Variants in PTPRG observed in about 807,000 individuals in gnomAD.
PTPRG encodes receptor-type tyrosine-protein phosphatase gamma.
A neutral mutation model predicts 165.3 loss-of-function variants in PTPRG; 102 were observed. The ratio of observed to expected loss-of-function variants is 0.62; its 90% CI spans 0.53 to 0.73. The LOEUF is 0.73. PTPRG is among the 30% of genes least tolerant of loss of function. The probability of loss-of-function intolerance (pLI) is 0.00; values close to 1 mark genes in which losing one functional copy is unlikely to be tolerated. For missense variants in PTPRG, 1,866 were observed against 1,861.4 expected, an observed-to-expected ratio of 1.00 and a Z score of -0.05; for synonymous variants, 675 against 669.5, an observed-to-expected ratio of 1.01 and a Z score of -0.13.
chr3:62,282,756 T>C lies in PTPRG; in HGVS notation c.3942T>C (p.Phe1314=), dbSNP rs759984644. ...QDDYVLEVRH[F]QCPKWPNPDA... ...ACTATGTCTTAGAAGTTCGGCACTTTCAGTGTCCCAAATGGCCTAACCCAG... is the reference window on the plus strand; with the variant it reads ...ACTATGTCTTAGAAGTTCGGCACTTCCAGTGTCCCAAATGGCCTAACCCAG... Residue 1314 remains phenylalanine (F), a synonymous_variant, in exon 28 of 30, where the codon TTT becomes TTC. Coordinates refer to ENST00000474889, the MANE Select transcript of PTPRG (RefSeq NM_002841.4). 3.1e-6 allele frequency: 5 copies of C among 1,612,082 alleles called. No homozygotes were observed. In the African/African-American group the frequency reaches 5.4e-5, roughly 17 times the overall value.
intron 2 of PTPRG, among the ~76,000 whole-genome samples, chr3:61,910,548 G>T (rs1463054504): frequency 1.3e-5 from 2 of 152,050 alleles, no homozygotes; most frequent in African/African-American, 4.8e-5. Context: ...GTTCCAATTT[G>T]TTCCTGTTCC....
intron 20 of PTPRG, among the ~76,000 whole-genome samples, chr3:62,269,850 C>T (rs906940496): frequency 1.3e-5 from 2 of 151,988 alleles, no homozygotes; most frequent in Admixed American, 6.6e-5. Flanking sequence ...TTCAAGACCC[C>T]CGGTGGATGC....
chr3:61,960,610 G>C (rs1043999321), intron 2 of PTPRG, among the ~76,000 whole-genome samples: 2 of 152,112 alleles, frequency 1.3e-5, no homozygotes, highest in Admixed American at 1.3e-4. Flanking sequence ...TAGAGTCATT[G>C]TTTTTCCTTC....
At chr3:62,025,483 A>G (rs2107769766) in intron 4 of PTPRG, among the ~76,000 whole-genome samples, 1 of 152,256 alleles carries the variant, frequency 6.6e-6, no homozygotes, top group East Asian at 1.9e-4. Context: ...CTTATTTTAC[A>G]GTAACCAAAT....
rs1701512219 is a variant in PTPRG at position 62,255,252 on chromosome 3, T to G, written c.2559+37T>G. 6.6e-7 allele frequency: 1 copy of G among 1,518,334 alleles called. No individual in the cohort carries two copies. The highest frequency in any genetic ancestry group is 9.1e-7 in the Non-Finnish European group (1 of 1,101,192). 94.1% of individuals were successfully genotyped at this position (1,518,334 alleles called of 1,614,324 possible). A position where few individuals can be genotyped will look rare whatever the true frequency, so the allele number is the denominator to read the frequency against. On this transcript the variant is annotated intron_variant, in intron 16 of 29. Coordinates refer to ENST00000474889, the MANE Select transcript of PTPRG (RefSeq NM_002841.4). The surrounding 1 kb of genome is among the most constrained non-coding windows in gnomAD (Gnocchi z 4.0). The stretch of plus-strand genomic sequence containing the variant: ...GGCTGGAAGTTAACTTCCAGAAACC[T>G]AAGTCTTACTTTATGCAGATTTTTG...
rs557044204 is a variant in PTPRG at position 61,683,298 on chromosome 3, G to A, written c.86-65580G>A. ...GGTAAGGCCAGCAGAGCCGAATGGC[G>A]TCAGTCACTCAGGACAGTTTTCTGA... On this transcript the variant is annotated intron_variant, in intron 1 of 29. Coordinates refer to ENST00000474889, the MANE Select transcript of PTPRG (RefSeq NM_002841.4). Among the ~76,000 whole-genome samples the A allele has an allele frequency of 3.3e-5, 5 of 152,352 alleles. No individual in the cohort carries two copies. In the East Asian group the frequency reaches 9.6e-4, roughly 29 times the overall value.
chr3:61,974,622 G>A (rs1439990903), intron 2 of PTPRG, among the ~76,000 whole-genome samples: 1 of 152,082 alleles, frequency 6.6e-6, no homozygotes, highest in Non-Finnish European at 1.5e-5. Flanking sequence ...ACTGTCTTTA[G>A]GCAACAAAAG....
chr3:61,895,298 G>T (rs2038323913), intron 2 of PTPRG, among the ~76,000 whole-genome samples: 1 of 152,154 alleles, frequency 6.6e-6, no homozygotes, highest in Non-Finnish European at 1.5e-5. Context: ...GTACTTTTAG[G>T]GGAAGTAGCC....
chr3:61,909,719 A>G (rs148368219), intron 2 of PTPRG, among the ~76,000 whole-genome samples: 1 of 151,042 alleles, frequency 6.6e-6, no homozygotes, highest in Non-Finnish European at 1.5e-5. Context: ...AGGACTATAC[A>G]GTTTAAACCT....
rs1042815576 is a variant in PTPRG at position 62,234,965 on chromosome 3, TA to T, written c.2375+3662del. 2.5e-3 allele frequency among the ~76,000 whole-genome samples: 371 copies of T among 151,406 alleles called. 1 individual carries two copies. The highest frequency in any genetic ancestry group is 8.5e-3 in the African/African-American group (349 of 41,110). On this transcript the variant is annotated intron_variant, in intron 14 of 29. Transcript: ENST00000474889. Reference sequence around the variant, plus strand: ...CCCCCCGAGATGGTCTCAAGTATTTTAAAAAAAATACTGTAATCTGGGGCTT... The same window carrying T: ...CCCCCCGAGATGGTCTCAAGTATTTTAAAAAAATACTGTAATCTGGGGCTT...
At chr3:61,801,161 A>G (rs1018166324) in intron 2 of PTPRG, among the ~76,000 whole-genome samples, 1 of 152,072 alleles carries the variant, frequency 6.6e-6, no homozygotes, top group African/African-American at 2.4e-5. Context: ...TGAGGTGGGA[A>G]ATGGCTTCTG....
At chr3:62,153,641 A>G (rs1484553721) in intron 6 of PTPRG, among the ~76,000 whole-genome samples, 1 of 152,252 alleles carries the variant, frequency 6.6e-6, no homozygotes, top group African/African-American at 2.4e-5. Context: ...TAATAGTAAA[A>G]GTAACAACAA....
At chr3:61,571,302 C>T (rs1281795426) in intron 1 of PTPRG, among the ~76,000 whole-genome samples, 3 of 152,262 alleles carry the variant, frequency 2.0e-5, no homozygotes, top group East Asian at 3.9e-4. Flanking sequence ...TTTCTCTAAT[C>T]ATTGCTCAGG....
At chr3:61,613,028 A>G (rs1388414101) in intron 1 of PTPRG, among the ~76,000 whole-genome samples, 2 of 152,124 alleles carry the variant, frequency 1.3e-5, no homozygotes, top group African/African-American at 4.8e-5. Context: ...CCATAAAGCC[A>G]CCAATAGCGC....
intron 1 of PTPRG, among the ~76,000 whole-genome samples, chr3:61,611,788 A>G (rs1208702785): frequency 1.3e-5 from 2 of 152,256 alleles, no homozygotes; most frequent in Non-Finnish European, 2.9e-5. Context: ...AACTTTATTT[A>G]TAGACTCTGA....
chr3:61,872,571 C>G (rs901628103), intron 2 of PTPRG, among the ~76,000 whole-genome samples: 2 of 152,088 alleles, frequency 1.3e-5, no homozygotes, highest in African/African-American at 4.8e-5. Flanking sequence ...GCTTGTGTTG[C>G]CTGACCCTGA....
chr3:61,955,545 C>G (rs1279059572), intron 2 of PTPRG, among the ~76,000 whole-genome samples: 1 of 152,124 alleles, frequency 6.6e-6, no homozygotes, highest in African/African-American at 2.4e-5. Context: ...TGGCTTAAAT[C>G]TATTTATATG....
chr3:61,825,700 A>G (rs1247768831), intron 2 of PTPRG, among the ~76,000 whole-genome samples: 1 of 151,642 alleles, frequency 6.6e-6, no homozygotes, highest in Non-Finnish European at 1.5e-5. Context: ...GCTGGGGTGT[A>G]GAGATAGGAT....
At chr3:62,230,275 G>T (rs1015540212) in intron 13 of PTPRG, among the ~76,000 whole-genome samples, 1 of 152,166 alleles carries the variant, frequency 6.6e-6, no homozygotes, top group African/African-American at 2.4e-5. Context: ...AGAATTAGAG[G>T]ATGTTCATTC....
Sources: gnomAD v4.1 joint callset for allele counts (sites outside exome capture counted in the v4.1 genomes callset) on GRCh38, gnomAD v4.1.1 for gene constraint, Gnocchi (gnomAD v3.1) non-coding constraint, MANE v1.5 for transcripts, NCBI Gene and HGNC (gene_info 2026-07-23, HGNC 2026-07-21) for gene names.